ADCY2: variants seen among roughly 807,000 people sequenced by gnomAD.
ADCY2 encodes the protein adenylate cyclase type 2.
In ADCY2, 31 loss-of-function variants were observed where a neutral mutation model predicts 125.2. The ratio of observed to expected loss-of-function variants is 0.25; its 90% confidence interval spans 0.19 to 0.33. ADCY2 has a LOEUF of 0.33. Among genes scored for constraint, ADCY2 ranks in the 10% least tolerant of loss-of-function variants. ADCY2 has a pLI of 1.00. For synonymous variants in ADCY2, 512 were observed against 548.4 expected (o/e 0.93, Z 0.93); for missense variants, 904 against 1,418.2 (o/e 0.64, Z 5.82).
chr5:7,434,721 T>G (rs1033309327), intron 2 of ADCY2, among the ~76,000 whole-genome samples: 2 of 152,214 alleles, frequency 1.3e-5, no homozygotes, highest in Middle Eastern at 3.2e-3. Flanking sequence ...CTCTGACTAT[T>G]TGTGAGTTTC....
intron 7 of ADCY2, among the ~76,000 whole-genome samples, chr5:7,702,016 T>C (rs1457166721): frequency 6.6e-6 from 1 of 152,184 alleles, no homozygotes; most frequent in African/African-American, 2.4e-5. Context: ...TTTGCGTCCC[T>C]GTTACCTGCC....
intron 3 of ADCY2, among the ~76,000 whole-genome samples, chr5:7,603,966 C>G (rs1237536288): frequency 1.5e-5 from 1 of 67,298 alleles, no homozygotes; most frequent in Non-Finnish European, 2.8e-5. Context: ...TCCCTCCCCC[C>G]TCCCCCGACC....
chr5:7,462,430 T>C (rs1419274137), intron 2 of ADCY2, among the ~76,000 whole-genome samples: 1 of 152,226 alleles, frequency 6.6e-6, no homozygotes, highest in Non-Finnish European at 1.5e-5. Flanking sequence ...GCATTCCCAA[T>C]ACTGCTATCT....
intron 8 of ADCY2, 125 bp downstream of exon 8, chr5:7,707,027 C>CGGCGACCACCGAGA: frequency 1.6e-6 from 2 of 1,286,396 alleles, no homozygotes; most frequent in Non-Finnish European, 2.1e-6. Flanking sequence ...TATCATGTTA[C>CGGCGACCACCGAGA]TCACGCCCAA....
chr5:7,654,032 G>A (rs774855234), intron 4 of ADCY2: 7 of 456,046 alleles, frequency 1.5e-5, no homozygotes, highest in Non-Finnish European at 8.8e-6. Context: ...CCTGCGCTGG[G>A]CCAGAGATCT....
At chr5:7,588,286 A>C (rs377416740) in intron 3 of ADCY2, among the ~76,000 whole-genome samples, 3 of 152,236 alleles carry the variant, frequency 2.0e-5, no homozygotes, top group South Asian at 2.1e-4. Flanking sequence ...ACATAAAAAA[A>C]TCCACATAAA....
intron 2 of ADCY2, among the ~76,000 whole-genome samples, chr5:7,434,763 G>A (rs2126384282): frequency 6.6e-6 from 1 of 152,328 alleles, no homozygotes; most frequent in South Asian, 2.1e-4. Context: ...GCCCATGCAA[G>A]ATGGAAGTGG....
At position 7,584,182 on chromosome 5, in the gene ADCY2, TA is replaced by T. The variant is rs1237777506; in HGVS notation, c.571-41982del. On this transcript the variant is annotated intron_variant, in intron 3 of 24. Coordinates refer to ENST00000338316, the MANE Select transcript of ADCY2 (RefSeq NM_020546.3). ...ATTAAATGGTACTAAAGACCTAATGTAAAGCATAATTAATAATATTGGATTG... is the reference window on the plus strand; with the variant it reads ...ATTAAATGGTACTAAAGACCTAATGTAAGCATAATTAATAATATTGGATTG... Among the ~76,000 whole-genome samples the T allele has an allele frequency of 2.0e-5, 3 of 152,228 alleles. No homozygotes were observed. In the East Asian group the frequency reaches 5.8e-4, roughly 29 times the overall value.
chr5:7,826,629 G>C, intron 24 of ADCY2, 90 bp from the exon 25 acceptor site: 1 of 1,545,276 alleles, frequency 6.5e-7, no homozygotes, highest in South Asian at 1.1e-5. Context: ...CAAAGAGCAT[G>C]GTGCTTTTTT....
chr5:7,447,145 T>C (rs1392586404), intron 2 of ADCY2, among the ~76,000 whole-genome samples: 1 of 152,116 alleles, frequency 6.6e-6, no homozygotes, highest in Non-Finnish European at 1.5e-5. Context: ...ATAGGCTCAG[T>C]GCCCACCACC....
At chr5:7,498,348 A>G (rs1354855530) in intron 2 of ADCY2, among the ~76,000 whole-genome samples, 4 of 140,700 alleles carry the variant, frequency 2.8e-5, no homozygotes, top group Non-Finnish European at 6.0e-5. Context: ...TCCCAGGTTC[A>G]CGCCATTCTC....
At chr5:7,493,108 G>A (rs1385653507) in intron 2 of ADCY2, among the ~76,000 whole-genome samples, 2 of 152,148 alleles carry the variant, frequency 1.3e-5, no homozygotes, top group Non-Finnish European at 1.5e-5. Context: ...AACCATTGAT[G>A]TAAGAGAAGG....
In ADCY2 at chr5:7,596,524, C is replaced by T. The variant is rs77674640; in HGVS notation, c.571-29643C>T. Among the ~76,000 whole-genome samples the T allele has an allele frequency of 4.7e-4, 72 of 152,306 alleles. 3 individuals carry two copies. In the East Asian group the frequency reaches 0.014, roughly 29 times the overall value. On this transcript the variant is annotated intron_variant, in intron 3 of 24. Coordinates refer to ENST00000338316, the MANE Select transcript of ADCY2 (RefSeq NM_020546.3). The stretch of plus-strand genomic sequence containing the variant: ...CTAAAAATTAAGAGTGTAATTCCCT[C>T]ATCTGAGGCAAGTGAGTGGGTGGCT...
At chr5:7,550,288 T>A (rs1735284749) in intron 3 of ADCY2, among the ~76,000 whole-genome samples, 1 of 152,182 alleles carries the variant, frequency 6.6e-6, no homozygotes, top group Non-Finnish European at 1.5e-5. Context: ...ATAAATTCCC[T>A]TTTACTTATT....
chr5:7,403,249 GT>G (rs1446286971), intron 1 of ADCY2, among the ~76,000 whole-genome samples: 1 of 152,030 alleles, frequency 6.6e-6, no homozygotes, highest in Admixed American at 6.5e-5. Flanking sequence ...AAATAAAATT[GT>G]AGACTAGTCC....
chr5:7,495,976 A>C (rs1743333146), intron 2 of ADCY2, among the ~76,000 whole-genome samples: 1 of 152,206 alleles, frequency 6.6e-6, no homozygotes, highest in Non-Finnish European at 1.5e-5. Flanking sequence ...ACCCATTGTA[A>C]GTGCAGTTCT....
chr5:7,754,730 C>CA (rs113861336), intron 15 of ADCY2, among the ~76,000 whole-genome samples: 147,831 of 151,736 alleles, frequency 0.97, 72,050 homozygotes, highest in East Asian at 1. Context: ...AACAAACAAA[C>CA]AAAAAAAACT....
rs557455201 is a variant in ADCY2 at position 7,412,032 on chromosome 5, G to C, written c.211-2541G>C. On this transcript the variant is annotated intron_variant, in intron 1 of 24. Transcript: ENST00000338316. ...GGAGCTTGCAGTGAGCCGAGATCCC[G>C]CCACAGCACTCCAGCCTGGGCGACA... Among the ~76,000 whole-genome samples, 6 of 151,020 alleles carry C rather than the reference G, an allele frequency of 4.0e-5. No homozygotes were observed. The South Asian group carries it at 1.3e-3, about 32-fold the overall frequency.
At chr5:7,693,978 C>T (rs1740806435) in intron 5 of ADCY2, among the ~76,000 whole-genome samples, 1 of 152,162 alleles carries the variant, frequency 6.6e-6, no homozygotes, top group Non-Finnish European at 1.5e-5. Context: ...GGCTCAGCAC[C>T]TGTGATCCCT....
Sources: allele counts gnomAD v4.1 joint callset (sites outside exome capture counted in the v4.1 genomes callset), GRCh38; gene constraint gnomAD v4.1.1; transcripts MANE v1.5; gene names NCBI Gene and HGNC (gene_info 2026-07-23, HGNC 2026-07-21).